The following IQCN variants were observed in gnomAD, a reference collection of about 807,000 sequenced individuals.
IQCN encodes the protein IQ motif containing N.
IQCN carries 46 observed loss-of-function variants against 64.4 expected under a neutral mutation model. The ratio of observed to expected loss-of-function variants is 0.71; its 90% CI spans 0.56 to 0.91. IQCN has a LOEUF of 0.91. Among genes scored for constraint, IQCN ranks in the 40% least tolerant of loss-of-function variants. IQCN has a pLI of 0.00. For missense variants in IQCN, 1,753 were observed against 1,857.4 expected, an observed-to-expected ratio of 0.94 and a Z score of 1.03; for synonymous variants, 733 against 775.6, an observed-to-expected ratio of 0.95 and a Z score of 0.91.
At chr19:18,258,521 A>T (rs1317984566) in intron 3 of IQCN, 2 of 436,934 alleles carry the variant, frequency 4.6e-6, no homozygotes, top group Non-Finnish European at 4.6e-6. Context: ...CCATGTTTCC[A>T]GACACTGTTT....
chr19:18,266,053 C>A lies in IQCN; in HGVS notation c.1487G>T (p.Arg496Leu), dbSNP rs138404210. 3.9e-3 allele frequency: 6,355 copies of A among 1,612,936 alleles called. 21 individuals are homozygous for A. The highest frequency in any genetic ancestry group is 5.1e-3 in the Non-Finnish European group (5,993 of 1,179,652). Residue 496 changes from arginine to leucine, a missense_variant, in exon 3 of 4, where the codon CGC becomes CTC. Physicochemically the swap from Arg to Leu is moderately radical, Grantham distance 102 (BLOSUM62 -2). Transcript: ENST00000392413. This position sits in a 1 kb window ranked among gnomAD's most constrained non-coding sequence, Gnocchi z 4.3. ...GGTCTTGGTTATCATGGCTGGCAGG[C>A]GGGTCTGGGGTGAGGGCTTGGTCAC... ...VGVTKPSPQT[R>L]LPAMITKTPA...
In IQCN at chr19:18,264,669, G is replaced by A. The variant is rs763191699; in HGVS notation, c.2871C>T (p.Gly957=). 1.9e-5 allele frequency: 29 copies of A among 1,551,112 alleles called. No homozygotes were observed. Among genetic ancestry groups the A allele is most frequent in the East Asian group, 1.5e-4 (6 of 40,906 alleles). Residue 957 remains glycine, a synonymous_variant, in exon 3 of 4, where the codon GGC becomes GGT. Transcript: ENST00000392413. This position sits in a 1 kb window ranked among gnomAD's most constrained non-coding sequence, Gnocchi z 4.3. ...CCTTGGTGAGTTCCGCCCGCAGCTCGCCCCGGGACAGGGCTCGGGACAGGG... is the reference window on the plus strand; with the variant it reads ...CCTTGGTGAGTTCCGCCCGCAGCTCACCCCGGGACAGGGCTCGGGACAGGG... ...RLTLSRALSR[G]ELRAELTKVM...
chr19:18,268,174 CTGTGTGTGTGTGTGTGTGTGTGTGTG>C (rs71336668), intron 2 of IQCN, among the ~76,000 whole-genome samples: 1 of 134,400 alleles, frequency 7.4e-6, no homozygotes, highest in Non-Finnish European at 1.6e-5. Flanking sequence ...CTGTTTGCCT[CTGTGTGTGTGTGTGTGTGTGTGTGTG>C]TGTGTGTGTG....
intron 2 of IQCN, 55 bp from the exon 3 acceptor site, chr19:18,267,581 C>A: frequency 6.7e-7 from 1 of 1,484,922 alleles, no homozygotes; most frequent in South Asian, 1.5e-5. Flanking sequence ...AACAAGAGGT[C>A]TCCTGGCTGG....
intron 3 of IQCN, chr19:18,262,067 G>T (rs1188758578): frequency 6.5e-6 from 1 of 152,706 alleles, no homozygotes; most frequent in African/African-American, 2.4e-5. Context: ...GCTGATATGG[G>T]TAGGTTGGGC....
Position 18,257,415 on chromosome 19 carries a change from G to A in IQCN, c.3869C>T (p.Ala1290Val). Residue 1290 changes from alanine to valine, a missense_variant, in exon 4 of 4, where the codon GCT becomes GTT. Transcript: ENST00000392413. ...AVSWASAYQL[A>V]ALSPRQPHRQ... Reference sequence around the variant, plus strand: ...ATGCGGCTGCCTGGGACTCAGGGCAGCCAGCTGGTAGGCGGAGGCCCAAGA... The same window carrying A: ...ATGCGGCTGCCTGGGACTCAGGGCAACCAGCTGGTAGGCGGAGGCCCAAGA... 1.2e-6 allele frequency: 2 copies of A among 1,610,252 alleles called. No homozygotes were observed. The highest frequency in any genetic ancestry group is 1.7e-6 in the Non-Finnish European group (2 of 1,179,412).
chr19:18,265,708 T>G lies in IQCN; in HGVS notation c.1832A>C (p.Gln611Pro), dbSNP rs61740751. 4.3e-5 allele frequency: 69 copies of G among 1,614,196 alleles called. 1 individual carries two copies. In the South Asian group the frequency reaches 6.9e-4, roughly 16 times the overall value. ...LEAEKIKTGT[Q>P]KQAKTDMAFK... Reference sequence around the variant, plus strand: ...TGCCATGTCTGTTTTCGCCTGTTTCTGGGTGCCAGTCTTGATTTTCTCGGC... The same window carrying G: ...TGCCATGTCTGTTTTCGCCTGTTTCGGGGTGCCAGTCTTGATTTTCTCGGC... The change falls in exon 3 of 4, where the codon CAG becomes CCG. Residue 611 changes from glutamine (Q) to proline (P), a missense_variant. By Grantham distance (76) the Gln-to-Pro change is moderately conservative (BLOSUM62 -1). Transcript: ENST00000392413. The surrounding 1 kb of genome is among the most constrained non-coding windows in gnomAD (Gnocchi z 4.7).
chr19:18,266,983 A>G lies in IQCN; in HGVS notation c.557T>C (p.Ile186Thr), dbSNP rs981895214. 1.9e-6 allele frequency: 3 copies of G among 1,613,870 alleles called. No homozygotes were observed. Among genetic ancestry groups the G allele is most frequent in the African/African-American group, 2.7e-5 (2 of 74,934 alleles). The change falls in exon 3 of 4, where the codon ATC (isoleucine) becomes ACC (threonine). Residue 186 changes from isoleucine to threonine, a missense_variant. Coordinates refer to ENST00000392413, the MANE Select transcript of IQCN (RefSeq NM_001145304.2). This position sits in a 1 kb window ranked among gnomAD's most constrained non-coding sequence, Gnocchi z 4.3. ...GAACTGGGTCTCCTTGTTCACCATG[A>G]TGGGCGGGGACAGAAGGCGGTTCTC... ...PEENRLLSPP[I>T]MVNKETQFPS...
intron 2 of IQCN, among the ~76,000 whole-genome samples, chr19:18,268,363 G>T (rs1003476068): frequency 1.4e-4 from 21 of 151,720 alleles, no homozygotes; most frequent in Non-Finnish European, 2.4e-4. Context: ...GGTATTGGGT[G>T]GGGGGGGCAT....
Position 18,264,551 on chromosome 19 carries a change from C to A in IQCN, c.2989G>T (p.Gly997Cys), listed in dbSNP as rs1969501325. The A allele has an allele frequency of 6.4e-7, 1 of 1,551,376 alleles. No individual in the cohort carries two copies. Among genetic ancestry groups the A allele is most frequent in the South Asian group, 1.2e-5 (1 of 84,056 alleles). The change falls in exon 3 of 4, where the codon GGT becomes TGT. Residue 997 changes from glycine to cysteine, a missense_variant. Coordinates refer to ENST00000392413, the MANE Select transcript of IQCN (RefSeq NM_001145304.2). The surrounding 1 kb of genome is among the most constrained non-coding windows in gnomAD (Gnocchi z 4.3). Reference protein sequence around the residue: ...LSQALCQGELGALLSQSWCRV... With the variant: ...LSQALCQGELCALLSQSWCRV... ...CACCAAGACTGGCTCAGGAGAGCAC[C>A]CAGCTCACCCTGACACAGGGCCTGG...
In IQCN at chr19:18,265,935, C is replaced by G. The variant is rs138064943; in HGVS notation, c.1605G>C (p.Ala535=). 18 of 1,614,158 alleles carry G rather than the reference C, an allele frequency of 1.1e-5. No homozygotes were observed. Among genetic ancestry groups the G allele is most frequent in the Non-Finnish European group, 1.5e-5 (18 of 1,180,038 alleles). Residue 535 remains alanine (A), a synonymous_variant, in exon 3 of 4, where the codon GCG becomes GCC. Transcript: ENST00000392413. The surrounding 1 kb of genome is among the most constrained non-coding windows in gnomAD (Gnocchi z 4.7). ...VANVKAPPQV[A]VAAGTPNTSG... ...AGGTGTTGGGAGTTCCGGCTGCTAC[C>G]GCCACTTGGGGTGGAGCCTTGACAT...
rs769168696 is a variant in IQCN at position 18,264,883 on chromosome 19, C to T, written c.2657G>A (p.Gly886Asp). 3.1e-6 allele frequency: 5 copies of T among 1,612,846 alleles called. No homozygotes were observed. The highest frequency in any genetic ancestry group is 3.3e-5 in the Admixed American group (2 of 59,886). ...GAGATCCTCCTGGGATGCCAGCACA[C>T]CAGCTACTTCAGCACACAAGGAGGC... ...LLASLCAEVA[G>D]VLASQEDLRT... The change falls in exon 3 of 4, where the codon GGT (glycine) becomes GAT (aspartate). Residue 886 changes from glycine (G) to aspartate (D), a missense_variant. By Grantham distance (94) the Gly-to-Asp change is moderately conservative. Coordinates refer to ENST00000392413, the MANE Select transcript of IQCN (RefSeq NM_001145304.2). This position sits in a 1 kb window ranked among gnomAD's most constrained non-coding sequence, Gnocchi z 4.3.
At position 18,265,164 on chromosome 19, in the gene IQCN, G is replaced by A. The variant is rs760161248; in HGVS notation, c.2376C>T (p.Ser792=). 100 of 1,608,094 alleles carry A rather than the reference G, an allele frequency of 6.2e-5. No homozygotes were observed. Among genetic ancestry groups the A allele is most frequent in the Non-Finnish European group, 7.1e-5 (84 of 1,179,906 alleles). ...CCTCTGGCTTGGCCCAGGGTGGGGC[G>A]CTGAGGCCACCGAGGCGCTGGCAGG... is the stretch of plus-strand genomic sequence containing the variant. ...NHACQRLGGL[S]APPWAKPEDR... Residue 792 remains serine, a synonymous_variant, in exon 3 of 4, where the codon AGC becomes AGT. Coordinates refer to ENST00000392413, the MANE Select transcript of IQCN (RefSeq NM_001145304.2). This position sits in a 1 kb window ranked among gnomAD's most constrained non-coding sequence, Gnocchi z 4.7.
chr19:18,258,122 G>C lies in IQCN; in HGVS notation c.3178-16C>G. On this transcript the variant is annotated splice_polypyrimidine_tract_variant and intron_variant, in intron 3 of 3. Transcript: ENST00000392413. ...CCGCGGGGCCCTGGAGTATAGTGGA[G>C]TTCAGGGATGCCTTGTGACTAACGG... The C allele has an allele frequency of 1.2e-6, 2 of 1,605,636 alleles. No individual in the cohort carries two copies. Among genetic ancestry groups the C allele is most frequent in the Non-Finnish European group, 1.7e-6 (2 of 1,179,510 alleles).
chr19:18,262,890 C>T (rs1969461878), intron 3 of IQCN, among the ~76,000 whole-genome samples: 1 of 152,128 alleles, frequency 6.6e-6, no homozygotes, highest in Non-Finnish European at 1.5e-5. Context: ...AGACAGAGTC[C>T]TCCTCAGCTC....
At position 18,266,318 on chromosome 19, in the gene IQCN, T is replaced by A. The variant is rs765692319; in HGVS notation, c.1222A>T (p.Thr408Ser). ...PTMTKIQVHPTASRTGTPRQT... is the reference protein window; with the variant it reads ...PTMTKIQVHPSASRTGTPRQT... ...CGTGGGGTGCCAGTTCTGGAGGCTG[T>A]GGGGTGTACCTGGATCTTGGTCATT... is the stretch of plus-strand genomic sequence containing the variant. The change falls in exon 3 of 4, where the codon ACA becomes TCA. Residue 408 changes from threonine (T) to serine (S), a missense_variant. Transcript: ENST00000392413. The surrounding 1 kb of genome is among the most constrained non-coding windows in gnomAD (Gnocchi z 4.3). 1.9e-6 allele frequency: 3 copies of A among 1,613,502 alleles called. No homozygotes were observed. In the East Asian group the frequency reaches 6.7e-5, roughly 36 times the overall value.
At chr19:18,267,791 T>TA in intron 2 of IQCN, 5 of 301,404 alleles carry the variant, frequency 1.7e-5, no homozygotes, top group Non-Finnish European at 2.2e-5. Context: ...TTTTTTCTTT[T>TA]CTTTTTTTTT....
rs116770984 is a variant in IQCN, at chr19:18,267,426, G to A, written c.114C>T (p.Pro38=). 1.7e-4 allele frequency: 262 copies of A among 1,564,368 alleles called. No individual in the cohort carries two copies. The highest frequency in any genetic ancestry group is 1.5e-3 in the African/African-American group (111 of 73,516). Residue 38 remains proline (P), a synonymous_variant, in exon 3 of 4, where the codon CCC becomes CCT. Transcript: ENST00000392413. ...VTQWAVHPPA[P]AHPSLLDKME... ...TTTTGTCCAGGAGACTGGGGTGAGCGGGGGCTGGAGGATGCACCGCCCACT... is the reference window on the plus strand; with the variant it reads ...TTTTGTCCAGGAGACTGGGGTGAGCAGGGGCTGGAGGATGCACCGCCCACT...
chr19:18,259,898 A>G (rs1180073613), intron 3 of IQCN: 2 of 152,388 alleles, frequency 1.3e-5, no homozygotes, highest in East Asian at 3.9e-4. Context: ...CCTGGGATGC[A>G]AGGGAAGCCA....
Sources: gnomAD v4.1 joint callset for allele counts (sites outside exome capture counted in the v4.1 genomes callset) on GRCh38, gnomAD v4.1.1 for gene constraint, Gnocchi (gnomAD v3.1) non-coding constraint, MANE v1.5 for transcripts, NCBI Gene and HGNC (gene_info 2026-07-23, HGNC 2026-07-21) for gene names.